Variants in SPRED1 observed in about 807,000 individuals in gnomAD.
SPRED1 encodes sprouty related EVH1 domain containing 1.
Under a neutral mutation model 52.3 loss-of-function variants are expected in SPRED1, and 18 were observed. That is an observed-to-expected ratio of 0.34 (90% CI 0.24 to 0.51). The LOEUF (loss-of-function observed/expected upper bound fraction) is 0.51, where lower values mean the gene tolerates loss of function less well. Among genes scored for constraint, SPRED1 ranks in the 20% least tolerant of loss-of-function variants. The pLI is 0.97. For synonymous variants in SPRED1, 155 were observed against 179.7 expected, an observed-to-expected ratio of 0.86 and a Z score of 1.10; for missense variants, 485 against 551.0, an observed-to-expected ratio of 0.88 and a Z score of 1.20.
intron 1 of SPRED1, among the ~76,000 whole-genome samples, chr15:38,286,413 T>C (rs1595726142): frequency 1.3e-5 from 2 of 152,118 alleles, no homozygotes; most frequent in African/African-American, 2.4e-5. Context: ...TTGCATTCTT[T>C]TGTTTTTCTA....
chr15:38,343,570 T>C (rs1896072609), intron 5 of SPRED1, among the ~76,000 whole-genome samples: 1 of 152,172 alleles, frequency 6.6e-6, no homozygotes, highest in Non-Finnish European at 1.5e-5. Flanking sequence ...CTACTATTCT[T>C]GTCCTAAAGT....
At chr15:38,349,833 G>A (rs907782462) in intron 6 of SPRED1, among the ~76,000 whole-genome samples, 1 of 152,140 alleles carries the variant, frequency 6.6e-6, no homozygotes, top group Non-Finnish European at 1.5e-5. Context: ...CTAATTCCAT[G>A]TATCTAGGAA....
rs115705403 is a variant in SPRED1 at position 38,329,639 on chromosome 15, T to A, written c.423+4830T>A. 4.1e-3 allele frequency among the ~76,000 whole-genome samples: 623 copies of A among 152,284 alleles called. 4 individuals carry two copies. Among genetic ancestry groups the A allele is most frequent in the African/African-American group, 0.015 (603 of 41,578 alleles). ...ATTCTCTGTATAACTTTTTGCATAA[T>A]GTTATTTAAAATTTTATTGACTCTT... On this transcript the variant is annotated intron_variant, in intron 4 of 6. Coordinates refer to ENST00000299084, the MANE Select transcript of SPRED1 (RefSeq NM_152594.3).
intron 1 of SPRED1, among the ~76,000 whole-genome samples, chr15:38,272,224 A>G (rs1264789651): frequency 7.2e-6 from 1 of 139,374 alleles, no homozygotes; most frequent in African/African-American, 2.6e-5. Flanking sequence ...AGAACAATTT[A>G]TTTTCTTTAG....
At chr15:38,299,211 C>A in intron 1 of SPRED1, 162 bp from the exon 2 acceptor site, 1 of 815,230 alleles carries the variant, frequency 1.2e-6, no homozygotes, top group Non-Finnish European at 2.1e-6. Flanking sequence ...GGTTTTTGAC[C>A]TCTTTCAAGT....
At chr15:38,323,323 A>C (rs1895642138) in intron 3 of SPRED1, among the ~76,000 whole-genome samples, 1 of 152,112 alleles carries the variant, frequency 6.6e-6, no homozygotes, top group Non-Finnish European at 1.5e-5. Flanking sequence ...TAAATGAGTA[A>C]TTTTTTATTC....
At chr15:38,271,984 C>T (rs1266642692) in intron 1 of SPRED1, among the ~76,000 whole-genome samples, 1 of 152,108 alleles carries the variant, frequency 6.6e-6, no homozygotes, top group African/African-American at 2.4e-5. Flanking sequence ...TTTGGCTCCC[C>T]CTTGTAAGAA....
Position 38,331,792 on chromosome 15 carries a change from G to A in SPRED1, c.423+6983G>A, listed in dbSNP as rs1163438000. Reference sequence around the variant, plus strand: ...TTAAACAATTAAGGGGTTTTCAGTTGATAACATAAGTTTGCCAAAGGGTAG... The same window carrying A: ...TTAAACAATTAAGGGGTTTTCAGTTAATAACATAAGTTTGCCAAAGGGTAG... On this transcript the variant is annotated intron_variant, in intron 4 of 6. Coordinates refer to ENST00000299084, the MANE Select transcript of SPRED1 (RefSeq NM_152594.3). Among the ~76,000 whole-genome samples, 3 of 152,074 alleles carry A rather than the reference G, an allele frequency of 2.0e-5. No individual in the cohort carries two copies. The East Asian group carries it at 5.8e-4, about 29-fold the overall frequency.
chr15:38,306,090 C>T (rs951299238), intron 2 of SPRED1, among the ~76,000 whole-genome samples: 1 of 152,012 alleles, frequency 6.6e-6, no homozygotes, highest in South Asian at 2.1e-4. Flanking sequence ...CTTTAGGATT[C>T]CCCACTGATT....
rs540124243 is a variant in SPRED1 at position 38,351,228 on chromosome 15, C to G, written c.899C>G (p.Thr300Ser). The G allele has an allele frequency of 6.2e-7, 1 of 1,614,062 alleles. No individual in the cohort carries two copies. Among genetic ancestry groups the G allele is most frequent in the African/African-American group, 1.3e-5 (1 of 75,002 alleles). The change falls in exon 7 of 7, where the codon ACT (threonine) becomes AGT (serine). Residue 300 changes from threonine to serine, a missense_variant. Around this residue, in one of 5 missense-constraint regions of SPRED1, gnomAD observed 205 missense variants for 245.2 expected, o/e 0.84. Transcript: ENST00000299084. ...SDYLYSCGDE[T>S]KLSSPKDSVV... ...TATCTGTACTCTTGTGGGGATGAGA[C>G]TAAGTTAAGTTCACCCAAAGACTCT... is the stretch of plus-strand genomic sequence containing the variant.
chr15:38,266,228 G>A (rs1365591722), intron 1 of SPRED1, among the ~76,000 whole-genome samples: 5 of 152,268 alleles, frequency 3.3e-5, no homozygotes, highest in Non-Finnish European at 5.9e-5. Flanking sequence ...ATAAATCAGG[G>A]ACTTAAAAAT....
rs921069672 is a variant in SPRED1 at position 38,354,964 on chromosome 15, C to A, written c.*3300C>A. The A allele has an allele frequency of 1.3e-5, 2 of 152,394 alleles. No homozygotes were observed. The highest frequency in any genetic ancestry group is 4.8e-5 in the African/African-American group (2 of 41,454). 9.4% of individuals were successfully genotyped at this position (152,394 alleles called of 1,614,324 possible). ...AGAGTGTGTGTGTACGTTTTTCTCT[C>A]TTTTATTTGAGACGGAGTTTCACTC... On this transcript the variant is annotated 3_prime_UTR_variant, in exon 7 of 7. Coordinates refer to ENST00000299084, the MANE Select transcript of SPRED1 (RefSeq NM_152594.3).
Position 38,351,765 on chromosome 15 carries a change from TATC to T in SPRED1, c.*104_*106del, listed in dbSNP as rs1442935138. On this transcript the variant is annotated 3_prime_UTR_variant, in exon 7 of 7. Coordinates refer to ENST00000299084, the MANE Select transcript of SPRED1 (RefSeq NM_152594.3). ...GCAAGCAATATGGAATCTTGCCTGG[TATC>T]ATTGAGCCCACACATGGAGGAAGCA... The T allele has an allele frequency of 5.3e-5, 73 of 1,380,572 alleles. No homozygotes were observed. Among genetic ancestry groups the T allele is most frequent in the Non-Finnish European group, 7.0e-5 (70 of 1,000,780 alleles). 85.5% of individuals were successfully genotyped at this position (1,380,572 alleles called of 1,614,324 possible).
chr15:38,341,173 C>T (rs370697390), intron 5 of SPRED1, among the ~76,000 whole-genome samples: 106 of 151,844 alleles, frequency 7.0e-4, no homozygotes, highest in African/African-American at 2.4e-3. Context: ...TCCCATTTTT[C>T]GTTGCTGATA....
At chr15:38,261,732 A>C (rs1386924255) in intron 1 of SPRED1, among the ~76,000 whole-genome samples, 1 of 152,180 alleles carries the variant, frequency 6.6e-6, no homozygotes, top group East Asian at 1.9e-4. Context: ...GGAATGTGGA[A>C]TGTAATTCTT....
At chr15:38,306,291 G>A (rs1433994106) in intron 2 of SPRED1, among the ~76,000 whole-genome samples, 1 of 152,040 alleles carries the variant, frequency 6.6e-6, no homozygotes, top group East Asian at 1.9e-4. Context: ...AATAAATATG[G>A]CACTATATAG....
At chr15:38,324,984 T>C (rs2140996813) in intron 4 of SPRED1, among the ~76,000 whole-genome samples, 175 bp downstream of exon 4, 1 of 152,298 alleles carries the variant, frequency 6.6e-6, no homozygotes, top group African/African-American at 2.4e-5. Context: ...AAATTTAAAA[T>C]CTGAAATGTT....
At position 38,351,158 on chromosome 15, in the gene SPRED1, G is replaced by A. The variant is rs1043239392; in HGVS notation, c.829G>A (p.Asp277Asn). The A allele has an allele frequency of 3.1e-6, 5 of 1,613,990 alleles. No individual in the cohort carries two copies. The African/African-American group carries it at 6.7e-5, about 22-fold the overall frequency. Reference sequence around the variant, plus strand: ...AAATGACTTGGAAAGAGATGATGCTGATTCCAGTATTCAGTTTTCTAAACC... The same window carrying A: ...AAATGACTTGGAAAGAGATGATGCTAATTCCAGTATTCAGTTTTCTAAACC... ...WKNDLERDDA[D>N]SSIQFSKPDS... Residue 277 changes from aspartate to asparagine, a missense_variant, in exon 7 of 7, where the codon GAT (aspartate) becomes AAT (asparagine). This residue lies in a region of SPRED1 where 205 missense variants were observed against 245.2 expected (regional missense o/e 0.84). Coordinates refer to ENST00000299084, the MANE Select transcript of SPRED1 (RefSeq NM_152594.3).
chr15:38,335,703 A>C (rs531743377), intron 4 of SPRED1, among the ~76,000 whole-genome samples: 1 of 152,116 alleles, frequency 6.6e-6, no homozygotes, highest in East Asian at 1.9e-4. Context: ...ATCAGCTACT[A>C]TTTTGAGGCC....
Sources: gnomAD v4.1 joint callset for allele counts (sites outside exome capture counted in the v4.1 genomes callset) on GRCh38, gnomAD v4.1.1 for gene constraint, gnomAD v4.1.1 regional missense constraint, MANE v1.5 for transcripts, NCBI Gene and HGNC (gene_info 2026-07-23, HGNC 2026-07-21) for gene names.